The following WDR11 variants were observed in gnomAD, a reference collection of about 807,000 sequenced individuals.
The protein encoded by WDR11 is WD repeat domain 11.
WDR11 carries 83 observed loss-of-function variants against 151.2 expected under a neutral mutation model. That is an observed-to-expected ratio of 0.55 (90% confidence interval 0.46 to 0.66). The LOEUF is 0.66. Among genes scored for constraint, WDR11 ranks in the 30% least tolerant of loss-of-function variants. The probability of loss-of-function intolerance (pLI) is 0.00; values close to 1 mark genes in which losing one functional copy is unlikely to be tolerated. For synonymous variants in WDR11, 484 were observed against 533.1 expected, an observed-to-expected ratio of 0.91 and a Z score of 1.27; for missense variants, 1,301 against 1,480.9, an observed-to-expected ratio of 0.88 and a Z score of 1.99.
In WDR11 at chr10:120,906,020, A is replaced by G. The variant is rs1410948806; in HGVS notation, c.3436A>G (p.Ser1146Gly). Residue 1146 changes from serine (S) to glycine (G), a missense_variant and splice_region_variant, in exon 27 of 29, where the codon AGC becomes GGC. Physicochemically the swap from Ser to Gly is moderately conservative, Grantham distance 56. Coordinates refer to ENST00000263461, the MANE Select transcript of WDR11 (RefSeq NM_018117.12). ...CFFSVAETLH[S>G]MRYFDRAALF... is the part of the protein sequence containing the mutation. The stretch of plus-strand genomic sequence containing the variant: ...TTTTAGCGTGGCAGAGACGCTTCAC[A>G]GGTAAACCGAGAGTTCACATGGGCT... 1.2e-6 allele frequency: 2 copies of G among 1,613,494 alleles called. No homozygotes were observed. The highest frequency in any genetic ancestry group is 1.1e-5 in the South Asian group (1 of 91,044).
chr10:120,873,870 T>A lies in WDR11; in HGVS notation c.1503T>A (p.His501Gln). 1.2e-6 allele frequency: 2 copies of A among 1,613,326 alleles called. No homozygotes were observed. Among genetic ancestry groups the A allele is most frequent in the Non-Finnish European group, 1.7e-6 (2 of 1,179,372 alleles). Reference protein sequence around the residue: ...GTSNGSVLVYHLTSGLLHKEL... With the variant: ...GTSNGSVLVYQLTSGLLHKEL... Reference sequence around the variant, plus strand: ...GTAATGGTTCTGTCCTGGTGTACCATCTCACCAGTGGTCTGCTACACAAAG... The same window carrying A: ...GTAATGGTTCTGTCCTGGTGTACCAACTCACCAGTGGTCTGCTACACAAAG... The change falls in exon 11 of 29, where the codon CAT (histidine) becomes CAA (glutamine). Residue 501 changes from histidine to glutamine, a missense_variant. By Grantham distance (24) the His-to-Gln change is conservative (BLOSUM62 0). Around this residue, in one of 3 missense-constraint regions of WDR11, gnomAD observed 692 missense variants for 762.5 expected, o/e 0.91. Coordinates refer to ENST00000263461, the MANE Select transcript of WDR11 (RefSeq NM_018117.12).
chr10:120,874,517 C>T (rs1846685278), intron 11 of WDR11, among the ~76,000 whole-genome samples: 2 of 151,326 alleles, frequency 1.3e-5, no homozygotes, highest in African/African-American at 4.9e-5. Context: ...AGGTTTTAAG[C>T]TCCACATGCA....
At chr10:120,875,440 G>C (rs1333928173) in intron 11 of WDR11, among the ~76,000 whole-genome samples, 2 of 152,138 alleles carry the variant, frequency 1.3e-5, no homozygotes, top group African/African-American at 4.8e-5. Flanking sequence ...TGAATGCAAG[G>C]CTATTTTCCT....
chr10:120,896,629 A>C (rs1847624157), intron 19 of WDR11, among the ~76,000 whole-genome samples: 1 of 152,182 alleles, frequency 6.6e-6, no homozygotes, highest in Non-Finnish European at 1.5e-5. Context: ...TTGCTAAGGA[A>C]TGTTGAACTT....
chr10:120,869,260 G>A (rs1431719556), intron 9 of WDR11, among the ~76,000 whole-genome samples: 9 of 151,782 alleles, frequency 5.9e-5, no homozygotes, highest in East Asian at 1.9e-4. Flanking sequence ...ACAGGCGCCC[G>A]CCACCACGCC....
chr10:120,869,713 T>C (rs942671390), intron 9 of WDR11, among the ~76,000 whole-genome samples: 8 of 152,182 alleles, frequency 5.3e-5, no homozygotes, highest in East Asian at 1.9e-4. Context: ...ATTCCCTGGA[T>C]GTCAACTCAA....
intron 11 of WDR11, among the ~76,000 whole-genome samples, chr10:120,874,931 CA>C (rs1846710536): frequency 1.3e-5 from 2 of 152,148 alleles, no homozygotes; most frequent in Non-Finnish European, 2.9e-5. Context: ...GCCCCACATG[CA>C]TTAGGTATTT....
intron 21 of WDR11, among the ~76,000 whole-genome samples, chr10:120,901,592 T>C (rs1866518): frequency 0.37 from 56,633 of 152,090 alleles, 10,650 homozygotes; most frequent in Admixed American, 0.44. Context: ...GGAAAAAATA[T>C]GGGTCTACAA....
chr10:120,867,014 C>G (rs944287520), intron 8 of WDR11, 52 bp from the exon 9 acceptor site: 1 of 1,412,038 alleles, frequency 7.1e-7, no homozygotes, highest in East Asian at 2.3e-5. Context: ...ATTCCTAATA[C>G]GTAATGCAGA....
intron 19 of WDR11, among the ~76,000 whole-genome samples, chr10:120,891,094 C>G (rs2133793636): frequency 1.3e-5 from 2 of 149,506 alleles, no homozygotes; most frequent in Middle Eastern, 3.4e-3. Flanking sequence ...CAATCATTCT[C>G]AATTCAGGTT....
chr10:120,884,639 T>G (rs1847151482), intron 14 of WDR11, among the ~76,000 whole-genome samples: 1 of 149,878 alleles, frequency 6.7e-6, no homozygotes, highest in Non-Finnish European at 1.5e-5. Context: ...ATTTAATTAA[T>G]CAAGATTAAT....
At chr10:120,900,217 C>G in intron 20 of WDR11, 80 bp downstream of exon 20, 3 of 1,192,036 alleles carry the variant, frequency 2.5e-6, no homozygotes, top group Non-Finnish European at 3.7e-6. Flanking sequence ...ATGGCCTGTA[C>G]TCCAGCATTT....
rs368488765 is a variant in WDR11, at chr10:120,882,927, C to G, written c.1740-853C>G. On this transcript the variant is annotated intron_variant, in intron 13 of 28. Coordinates refer to ENST00000263461, the MANE Select transcript of WDR11 (RefSeq NM_018117.12). ...CTTAGATAATTGAATTAAGTTGATT[C>G]TCTAAAATGTAATGTAAACAGTTAA... 2.0e-5 allele frequency among the ~76,000 whole-genome samples: 3 copies of G among 152,084 alleles called. No homozygotes were observed. The South Asian group carries it at 6.2e-4, about 32-fold the overall frequency.
At chr10:120,863,554 C>T (rs556143286) in intron 5 of WDR11, among the ~76,000 whole-genome samples, 19 of 152,170 alleles carry the variant, frequency 1.2e-4, no homozygotes, top group South Asian at 6.2e-4. Context: ...TAGAAGATGT[C>T]GGCTGTTATT....
At chr10:120,899,782 C>CA (rs796643434) in intron 19 of WDR11, 3,757 of 433,662 alleles carry the variant, frequency 8.7e-3, no homozygotes, top group East Asian at 0.011. Context: ...GGCTTTGTCT[C>CA]AAAAAAAAAA....
chr10:120,866,598 G>A lies in WDR11; in HGVS notation c.1024G>A (p.Asp342Asn). ...DPDPVQELTY[D>N]LRSQCDAIRV... ...AGATCCAGTTCAGGAGCTTACCTAT[G>A]ATTTACGAAGCCAGTGTGATGCAAT... is the stretch of plus-strand genomic sequence containing the variant. Residue 342 changes from aspartate (D) to asparagine (N), a missense_variant, in exon 8 of 29, where the codon GAT becomes AAT. Transcript: ENST00000263461. 6.2e-7 allele frequency: 1 copy of A among 1,614,180 alleles called. No homozygotes were observed. Among genetic ancestry groups the A allele is most frequent in the Non-Finnish European group, 8.5e-7 (1 of 1,180,038 alleles).
intron 19 of WDR11, among the ~76,000 whole-genome samples, chr10:120,898,088 T>C (rs1847679367): frequency 6.6e-6 from 1 of 152,158 alleles, no homozygotes. Context: ...TTTTAAAAAG[T>C]AAAAAGAGAT....
At position 120,874,187 on chromosome 10, in the gene WDR11, T is replaced by G. The variant is rs868136397; in HGVS notation, c.1556+264T>G. ...TTGCGGTTTTTGCAGTTTTTTTTTT[T>G]TTTTTGTTGTTGTTGTTGTTGTTTG... On this transcript the variant is annotated intron_variant, in intron 11 of 28. Coordinates refer to ENST00000263461, the MANE Select transcript of WDR11 (RefSeq NM_018117.12). Among the ~76,000 whole-genome samples the G allele has an allele frequency of 0.023, 1,346 of 59,388 alleles. 25 individuals carry two copies. The highest frequency in any genetic ancestry group is 0.024 in the African/African-American group (446 of 18,380). 39.0% of individuals were successfully genotyped at this position (59,388 alleles called of 152,430 possible). A position where few individuals can be genotyped will look rare whatever the true frequency, so the allele number is the denominator to read the frequency against.
At chr10:120,905,251 A>AACTT in intron 25 of WDR11, 68 bp from the exon 26 acceptor site, 1 of 1,505,362 alleles carries the variant, frequency 6.6e-7, no homozygotes, top group Middle Eastern at 2.2e-4. Context: ...ATGGGGATTT[A>AACTT]ACTTTTTAAT....
Sources: gnomAD v4.1 joint callset for allele counts (sites outside exome capture counted in the v4.1 genomes callset) on GRCh38, gnomAD v4.1.1 for gene constraint, gnomAD v4.1.1 regional missense constraint, MANE v1.5 for transcripts, NCBI Gene and HGNC (gene_info 2026-07-23, HGNC 2026-07-21) for gene names.